Variants in ATXN10 observed in about 807,000 individuals in gnomAD.
ATXN10 encodes the protein ataxin 10.
In ATXN10, 28 loss-of-function variants were observed where a neutral mutation model predicts 52.9. The ratio of observed to expected loss-of-function variants is 0.53; its 90% CI spans 0.39 to 0.73. The LOEUF (loss-of-function observed/expected upper bound fraction) is 0.73, where lower values mean the gene tolerates loss of function less well. Ranked by LOEUF, ATXN10 falls within the 30% of genes least tolerant of loss-of-function variation. The pLI is 0.00. For synonymous variants in ATXN10, 226 were observed against 221.5 expected, an observed-to-expected ratio of 1.02 and a Z score of -0.18; for missense variants, 565 against 577.0, an observed-to-expected ratio of 0.98 and a Z score of 0.21.
intron 10 of ATXN10, among the ~76,000 whole-genome samples, chr22:45,827,807 A>G (rs865979238): frequency 2.6e-5 from 4 of 152,246 alleles, no homozygotes; most frequent in Non-Finnish European, 5.9e-5. Context: ...ACTCTATCCT[A>G]CAACAAGAGC....
chr22:45,723,888 C>T (rs779225295), intron 6 of ATXN10, among the ~76,000 whole-genome samples: 4 of 150,936 alleles, frequency 2.7e-5, no homozygotes, highest in Non-Finnish European at 5.9e-5. Context: ...ACCTGGGAGA[C>T]GGAGGTTGCA....
chr22:45,768,297 G>A (rs1333127195), intron 9 of ATXN10, among the ~76,000 whole-genome samples: 1 of 151,942 alleles, frequency 6.6e-6, no homozygotes, highest in South Asian at 2.1e-4. Flanking sequence ...GTACAAGAAA[G>A]TTGCCAAAGT....
rs115648212 is a variant in ATXN10 at position 45,781,434 on chromosome 22, A to G, written c.1174-25525A>G. Among the ~76,000 whole-genome samples the G allele has an allele frequency of 0.012, 1,805 of 152,272 alleles. 32 individuals carry two copies. Among genetic ancestry groups the G allele is most frequent in the African/African-American group, 0.041 (1,715 of 41,538 alleles). ...GGTTGAGTGAGGGACCTAGATCTTC[A>G]CCACAACCTGGCAGTAGTGAGCTGC... On this transcript the variant is annotated intron_variant, in intron 9 of 11. Transcript: ENST00000252934. The surrounding 1 kb of genome is among the most constrained non-coding windows in gnomAD (Gnocchi z 4.2).
At chr22:45,745,479 T>C (rs1320951042) in intron 9 of ATXN10, among the ~76,000 whole-genome samples, 1 of 152,214 alleles carries the variant, frequency 6.6e-6, no homozygotes, top group Non-Finnish European at 1.5e-5. Flanking sequence ...AGCAGTCACA[T>C]ACTTGATGAT....
intron 9 of ATXN10, among the ~76,000 whole-genome samples, chr22:45,764,704 G>T (rs1363023266): frequency 2.0e-5 from 3 of 152,204 alleles, no homozygotes; most frequent in Admixed American, 6.5e-5. Flanking sequence ...TGTAAAATGA[G>T]ACTCTCTGGA....
rs1401295949 is a variant in ATXN10 at position 45,825,731 on chromosome 22, G to A, written c.1238-17260G>A. ...TCATCTACTATATTTTAAAACAAGG[G>A]TCTTACTGAAGATGCTCAAGGAACT... On this transcript the variant is annotated intron_variant, in intron 10 of 11. Coordinates refer to ENST00000252934, the MANE Select transcript of ATXN10 (RefSeq NM_013236.4). The surrounding 1 kb of genome is among the most constrained non-coding windows in gnomAD (Gnocchi z 4.5). Among the ~76,000 whole-genome samples, 1 of 152,108 alleles carries A rather than the reference G, an allele frequency of 6.6e-6. No homozygotes were observed. Among genetic ancestry groups the A allele is most frequent in the Non-Finnish European group, 1.5e-5 (1 of 68,014 alleles).
chr22:45,754,168 G>A lies in ATXN10; in HGVS notation c.1173+13630G>A, dbSNP rs138193. On this transcript the variant is annotated intron_variant, in intron 9 of 11. Coordinates refer to ENST00000252934, the MANE Select transcript of ATXN10 (RefSeq NM_013236.4). The surrounding 1 kb of genome is among the most constrained non-coding windows in gnomAD (Gnocchi z 5.4). ...AGCTAAGCAGGAGCTGCTGAGAGACGACCCACGGAGGTGGGCTCCAGCAGC... is the reference window on the plus strand; with the variant it reads ...AGCTAAGCAGGAGCTGCTGAGAGACAACCCACGGAGGTGGGCTCCAGCAGC... 0.67 allele frequency among the ~76,000 whole-genome samples: 102,307 copies of A among 152,144 alleles called. 34,563 individuals carry two copies. The highest frequency in any genetic ancestry group is 0.72 in the Admixed American group (11,048 of 15,286).
chr22:45,767,954 G>A (rs1447288704), intron 9 of ATXN10, among the ~76,000 whole-genome samples: 4 of 152,012 alleles, frequency 2.6e-5, no homozygotes, highest in African/African-American at 2.4e-5. Context: ...CTTTATTTTA[G>A]AATAGAGAAA....
At chr22:45,735,290 C>T (rs1217005570) in intron 7 of ATXN10, among the ~76,000 whole-genome samples, 1 of 151,766 alleles carries the variant, frequency 6.6e-6, no homozygotes, top group African/African-American at 2.4e-5. Flanking sequence ...TTATCCTTTC[C>T]ACTAATTTTT....
intron 3 of ATXN10, among the ~76,000 whole-genome samples, chr22:45,698,011 G>A (rs953276007): frequency 1.3e-5 from 2 of 152,114 alleles, no homozygotes; most frequent in Non-Finnish European, 1.5e-5. Flanking sequence ...ATAATACTCC[G>A]TTGTTTTGAT....
At chr22:45,730,344 C>CAAA (rs138162) in intron 7 of ATXN10, among the ~76,000 whole-genome samples, 4 of 77,126 alleles carry the variant, frequency 5.2e-5, no homozygotes, top group East Asian at 4.8e-4. Flanking sequence ...ACCCTTGTCT[C>CAAA]AAAAAAAAAA....
In ATXN10 at chr22:45,744,178, G is replaced by A. The variant is rs1313050730; in HGVS notation, c.1173+3640G>A. On this transcript the variant is annotated intron_variant, in intron 9 of 11. Coordinates refer to ENST00000252934, the MANE Select transcript of ATXN10 (RefSeq NM_013236.4). This position sits in a 1 kb window ranked among gnomAD's most constrained non-coding sequence, Gnocchi z 4.9. ...TATCTTCTGTGGAGCTTCCATTCTG[G>A]CATCATCTGGGGACCATGCTTGCCT... 6.6e-6 allele frequency among the ~76,000 whole-genome samples: 1 copy of A among 152,124 alleles called. No homozygotes were observed. Among genetic ancestry groups the A allele is most frequent in the African/African-American group, 2.4e-5 (1 of 41,426 alleles).
At chr22:45,779,425 C>T (rs536792894) in intron 9 of ATXN10, among the ~76,000 whole-genome samples, 49 of 152,252 alleles carry the variant, frequency 3.2e-4, no homozygotes, top group Non-Finnish European at 6.0e-4. Flanking sequence ...AGACTAAAGA[C>T]GGACTGGAAG....
intron 10 of ATXN10, among the ~76,000 whole-genome samples, chr22:45,807,978 T>C (rs1262703463): frequency 6.6e-6 from 1 of 152,206 alleles, no homozygotes; most frequent in East Asian, 1.9e-4. Context: ...TCAAAGTAAG[T>C]AGACTGAGCG....
Position 45,766,483 on chromosome 22 carries a change from G to A in ATXN10, c.1173+25945G>A, listed in dbSNP as rs1022678846. Among the ~76,000 whole-genome samples the A allele has an allele frequency of 6.6e-6, 1 of 152,254 alleles. No individual in the cohort carries two copies. Among genetic ancestry groups the A allele is most frequent in the Non-Finnish European group, 1.5e-5 (1 of 68,006 alleles). On this transcript the variant is annotated intron_variant, in intron 9 of 11. Coordinates refer to ENST00000252934, the MANE Select transcript of ATXN10 (RefSeq NM_013236.4). The surrounding 1 kb of genome is among the most constrained non-coding windows in gnomAD (Gnocchi z 4.6). The stretch of plus-strand genomic sequence containing the variant: ...GAAATCAGTCCCTGGTGCCAAAAAG[G>A]TTGGGAACTCCTCCTTTAGATAAAA...
rs75980952 is a variant in ATXN10 at position 45,823,788 on chromosome 22, C to T, written c.1237+16766C>T. On this transcript the variant is annotated intron_variant, in intron 10 of 11. Transcript: ENST00000252934. This position sits in a 1 kb window ranked among gnomAD's most constrained non-coding sequence, Gnocchi z 4.9. ...ATGTGCTGCACACTGTTCTAGCTGC[C>T]AGGGATACAATGGTTGATCAAAAAA... is the stretch of plus-strand genomic sequence containing the variant. Among the ~76,000 whole-genome samples, 972 of 152,170 alleles carry T rather than the reference C, an allele frequency of 6.4e-3. 7 individuals carry two copies. The highest frequency in any genetic ancestry group is 0.015 in the South Asian group (73 of 4,812).
At chr22:45,813,488 TA>T (rs1928357433) in intron 10 of ATXN10, among the ~76,000 whole-genome samples, 1 of 150,494 alleles carries the variant, frequency 6.6e-6, no homozygotes, top group Admixed American at 6.6e-5. Flanking sequence ...ACCTAATTTG[TA>T]AGAAAACAAA....
rs1925181776 is a variant in ATXN10, at chr22:45,733,825, A to G, written c.894+4235A>G. 6.7e-6 allele frequency among the ~76,000 whole-genome samples: 1 copy of G among 148,864 alleles called. No homozygotes were observed. Among genetic ancestry groups the G allele is most frequent in the Admixed American group, 6.7e-5 (1 of 14,946 alleles). ...CTCCATTTGTTTTCTATAGATCTGC[A>G]TATCCTTTTTTTTTTGTTTTCTTTT... On this transcript the variant is annotated intron_variant, in intron 7 of 11. Transcript: ENST00000252934. The surrounding 1 kb of genome is among the most constrained non-coding windows in gnomAD (Gnocchi z 4.4).
At chr22:45,796,285 A>T (rs55750603) in intron 9 of ATXN10, among the ~76,000 whole-genome samples, 3,554 of 152,280 alleles carry the variant, frequency 0.023, 97 homozygotes, top group African/African-American at 0.061. Flanking sequence ...AGACCGGTTG[A>T]CTGCTCTCGA....
Sources: gnomAD v4.1 joint callset for allele counts (sites outside exome capture counted in the v4.1 genomes callset) on GRCh38, gnomAD v4.1.1 for gene constraint, Gnocchi (gnomAD v3.1) non-coding constraint, MANE v1.5 for transcripts, NCBI Gene and HGNC (gene_info 2026-07-23, HGNC 2026-07-21) for gene names.